Variants in HARS2 observed in about 807,000 individuals in gnomAD.
HARS2 encodes histidyl-tRNA synthetase 2, mitochondrial.
In HARS2, 40 loss-of-function variants were observed where a neutral mutation model predicts 62.4. The ratio of observed to expected loss-of-function variants is 0.64; its 90% confidence interval spans 0.50 to 0.83. HARS2 has a LOEUF of 0.83. Ranked by LOEUF, HARS2 falls within the 40% of genes least tolerant of loss-of-function variation. The pLI, the probability that HARS2 is intolerant of heterozygous loss-of-function variation, is 0.00. For synonymous variants in HARS2, 228 were observed against 227.0 expected (o/e 1.00, Z -0.04); for missense variants, 569 against 626.4 (o/e 0.91, Z 0.98).
chr5:140,694,369 C>T, intron 4 of HARS2, 89 bp downstream of exon 4: 2 of 893,812 alleles, frequency 2.2e-6, no homozygotes, highest in Non-Finnish European at 3.8e-6. Context: ...ACTTTGGGAT[C>T]TTAGAGGTCC....
chr5:140,693,538 C>T, intron 1 of HARS2, 53 bp from the exon 2 acceptor site: 1 of 1,613,890 alleles, frequency 6.2e-7, no homozygotes, highest in South Asian at 1.1e-5. Flanking sequence ...AGAGATGCCA[C>T]AGGTCTGGCC....
Position 140,693,331 on chromosome 5 carries a change from CA to C in HARS2, c.109-243del, listed in dbSNP as rs397884519. On this transcript the variant is annotated intron_variant, in intron 1 of 12. Transcript: ENST00000230771. ...TGGGCAACAGACCGAGACTCTGTCT[CA>C]AAAAAAAAAAAAAAAATCCATATAC... 0.38 allele frequency: 200,881 copies of C among 530,902 alleles called. 3,128 individuals carry two copies. Among genetic ancestry groups the C allele is most frequent in the South Asian group, 0.38 (16,375 of 42,872 alleles). 32.9% of individuals were successfully genotyped at this position (530,902 alleles called of 1,614,324 possible).
At position 140,694,342 on chromosome 5, in the gene HARS2, C is replaced by T. The variant is rs113407877; in HGVS notation, c.399+62C>T. On this transcript the variant is annotated intron_variant, in intron 4 of 12. Transcript: ENST00000230771. ...TCCAAATCCAGCGGGCTTTCTCTGA[C>T]AAAAGTGGAGAACGTGACTTTGGGA... The T allele has an allele frequency of 6.2e-6, 7 of 1,138,084 alleles. No individual in the cohort carries two copies. In the African/African-American group the frequency reaches 9.1e-5, roughly 15 times the overall value. 70.5% of individuals were successfully genotyped at this position (1,138,084 alleles called of 1,614,324 possible). A position where few individuals can be genotyped will look rare whatever the true frequency, so the allele number is the denominator to read the frequency against.
chr5:140,693,541 G>A (rs763448492), intron 1 of HARS2, 50 bp from the exon 2 acceptor site: 7 of 1,613,782 alleles, frequency 4.3e-6, no homozygotes, highest in Non-Finnish European at 5.1e-6. Flanking sequence ...GATGCCACAG[G>A]TCTGGCCAGT....
At position 140,691,575 on chromosome 5, in the gene HARS2, C is replaced by T. The variant is rs1413665724; in HGVS notation, c.-74C>T. On this transcript the variant is annotated 5_prime_UTR_variant, in exon 1 of 13. Coordinates refer to ENST00000230771, the MANE Select transcript of HARS2 (RefSeq NM_012208.4). ...GTTCCGCCTTTGCAGTGCCCTCCAC[C>T]CTTCCTGGTGTCTGACCCGCCTCCT... 7 of 1,011,752 alleles carry T rather than the reference C, an allele frequency of 6.9e-6. No homozygotes were observed. The highest frequency in any genetic ancestry group is 7.6e-6 in the Non-Finnish European group (5 of 659,662). 62.7% of individuals were successfully genotyped at this position (1,011,752 alleles called of 1,614,324 possible).
At chr5:140,696,862 G>A (rs1349214211) in intron 8 of HARS2, 81 bp from the exon 9 acceptor site, 2 of 1,095,892 alleles carry the variant, frequency 1.8e-6, no homozygotes, top group South Asian at 1.4e-5. Context: ...AAGAAAATGA[G>A]GAAGACTAGC....
At chr5:140,695,085 G>A (rs2149853619) in intron 4 of HARS2, among the ~76,000 whole-genome samples, 1 of 152,280 alleles carries the variant, frequency 6.6e-6, no homozygotes, top group South Asian at 2.1e-4. Context: ...CTGGCCTACA[G>A]TCTGCATTTT....
chr5:140,693,467 G>C, intron 1 of HARS2, 124 bp from the exon 2 acceptor site: 1 of 1,577,100 alleles, frequency 6.3e-7, no homozygotes, highest in Non-Finnish European at 8.6e-7. Flanking sequence ...AGATGAAATG[G>C]TGCTTTGGCT....
chr5:140,696,114 G>A lies in HARS2; in HGVS notation c.645G>A (p.Arg215=), dbSNP rs1347877871. 5 of 1,613,786 alleles carry A rather than the reference G, an allele frequency of 3.1e-6. No individual in the cohort carries two copies. The highest frequency in any genetic ancestry group is 4.2e-6 in the Non-Finnish European group (5 of 1,179,752). ...CATTGAGTTCTCAGGTAAATGACCG[G>A]CGGATTGTGGATGGGATGTTTGCTG... ...LGDFLIKVND[R]RIVDGMFAVC... Residue 215 remains arginine, a synonymous_variant, in exon 7 of 13, where the codon CGG becomes CGA. Transcript: ENST00000230771.
At chr5:140,696,866 G>C in intron 8 of HARS2, 77 bp from the exon 9 acceptor site, 2 of 998,388 alleles carry the variant, frequency 2.0e-6, no homozygotes, top group Non-Finnish European at 1.5e-6. Context: ...AAATGAGGAA[G>C]ACTAGCTAGA....
Position 140,696,210 on chromosome 5 carries a change from G to C in HARS2, c.732+9G>C. The C allele has an allele frequency of 6.4e-7, 1 of 1,566,060 alleles. No individual in the cohort carries two copies. On this transcript the variant is annotated intron_variant, in intron 7 of 12. Transcript: ENST00000230771. ...TAGATAAACTAGACAAGGTAACAAA[G>C]AAGACATACTTCAGTAGACCCTATC...
chr5:140,696,828 CTTTT>C (rs373912206), intron 8 of HARS2, 111 bp from the exon 9 acceptor site: 557 of 655,412 alleles, frequency 8.5e-4, no homozygotes, highest in East Asian at 1.1e-3. Flanking sequence ...AGACTGGGAT[CTTTT>C]TTTTTTTTTT....
In HARS2 at chr5:140,694,269, T is replaced by C. The variant is rs773483704; in HGVS notation, c.388T>C (p.Tyr130His). ...AGGTGGAGAGCTGTTGTCCCTCCGC[T>C]ATGACCTTACTGTATCCTTTTGAGT... ...DQGGELLSLRYDLTVPFARYL... is the reference protein window; with the variant it reads ...DQGGELLSLRHDLTVPFARYL... The change falls in exon 4 of 13, where the codon TAT becomes CAT. Residue 130 changes from tyrosine (Y) to histidine (H), a missense_variant. Coordinates refer to ENST00000230771, the MANE Select transcript of HARS2 (RefSeq NM_012208.4). 6.2e-7 allele frequency: 1 copy of C among 1,607,070 alleles called. No individual in the cohort carries two copies. The highest frequency in any genetic ancestry group is 8.5e-7 in the Non-Finnish European group (1 of 1,173,458).
In HARS2 at chr5:140,695,640, G is replaced by C. The variant is rs1467360222; in HGVS notation, c.525+7G>C. 6.2e-7 allele frequency: 1 copy of C among 1,614,202 alleles called. No individual in the cohort carries two copies. The highest frequency in any genetic ancestry group is 1.3e-5 in the African/African-American group (1 of 75,072). The stretch of plus-strand genomic sequence containing the variant: ...TAGGGAGTTCTGCCAGTGTGTAAGT[G>C]ACCTGATGGGAGCAGCACAGTTTGA... On this transcript the variant is annotated splice_region_variant and intron_variant, in intron 5 of 12. Coordinates refer to ENST00000230771, the MANE Select transcript of HARS2 (RefSeq NM_012208.4).
chr5:140,693,791 A>G, intron 2 of HARS2, 126 bp downstream of exon 2: 3 of 1,200,410 alleles, frequency 2.5e-6, no homozygotes, highest in Non-Finnish European at 1.2e-6. Flanking sequence ...TATTCTTGAG[A>G]TACTAGGTGC....
Position 140,695,628 on chromosome 5 carries a change from C to T in HARS2, c.520C>T (p.Gln174Ter). 2 of 1,614,166 alleles carry T rather than the reference C, an allele frequency of 1.2e-6. No homozygotes were observed. The highest frequency in any genetic ancestry group is 8.5e-7 in the Non-Finnish European group (1 of 1,180,038). Residue 174 changes from glutamine (Q) to a stop codon, truncating the protein, a stop_gained, in exon 5 of 13, where the codon CAG (glutamine) becomes TAG (stop). Coordinates refer to ENST00000230771, the MANE Select transcript of HARS2 (RefSeq NM_012208.4). LOFTEE classifies it high-confidence loss of function. The stretch of plus-strand genomic sequence containing the variant: ...CCAAGGCCGTTATAGGGAGTTCTGC[C>T]AGTGTGTAAGTGACCTGATGGGAGC... Reference protein sequence around the residue: ...IVQGRYREFCQCDFDIAGQFD... With the variant: ...IVQGRYREFC
At position 140,691,505 on chromosome 5, in the gene HARS2, T is replaced by C; in HGVS notation, c.-144T>C. On this transcript the variant is annotated 5_prime_UTR_variant, in exon 1 of 13. Coordinates refer to ENST00000230771, the MANE Select transcript of HARS2 (RefSeq NM_012208.4). ...TGGGAGGATCCCACCTCAGCCTTCG[T>C]GACTAGTGAGGTGCGCAAACGCCCG... is the stretch of plus-strand genomic sequence containing the variant. The C allele has an allele frequency of 1.4e-6, 1 of 738,984 alleles. No individual in the cohort carries two copies. The allele number at this position is 738,984 out of a possible 1,614,324, so 45.8% of individuals were successfully genotyped here.
intron 1 of HARS2, 132 bp downstream of exon 1, chr5:140,691,888 C>A: frequency 1.5e-6 from 1 of 687,566 alleles, no homozygotes; most frequent in Non-Finnish European, 2.6e-6. Context: ...TGACACTGAA[C>A]TAAGCGATTT....
chr5:140,698,139 A>G (rs1437035981), intron 12 of HARS2, 61 bp downstream of exon 12: 2 of 1,449,706 alleles, frequency 1.4e-6, no homozygotes, highest in Non-Finnish European at 1.9e-6. Context: ...AGATTCTGTA[A>G]GAAATATGCA....
Sources: gnomAD v4.1 joint callset for allele counts (sites outside exome capture counted in the v4.1 genomes callset) on GRCh38, gnomAD v4.1.1 for gene constraint, MANE v1.5 for transcripts, NCBI Gene and HGNC (gene_info 2026-07-23, HGNC 2026-07-21) for gene names.